CTNNBL1: variants seen among roughly 807,000 people sequenced by gnomAD.
CTNNBL1 encodes beta-catenin-like protein 1.
A neutral mutation model predicts 72.7 loss-of-function variants in CTNNBL1; 31 were observed. The ratio of observed to expected loss-of-function variants is 0.43; its 90% CI spans 0.32 to 0.58. The LOEUF (loss-of-function observed/expected upper bound fraction) is 0.58. CTNNBL1 is among the 20% of genes least tolerant of loss of function. The pLI is 0.08. For missense variants in CTNNBL1, 534 were observed against 725.1 expected (o/e 0.74, Z 3.03); for synonymous variants, 240 against 267.3 (o/e 0.90, Z 1.00).
At chr20:37,715,084 T>C (rs917343511) in intron 1 of CTNNBL1, among the ~76,000 whole-genome samples, 2 of 152,210 alleles carry the variant, frequency 1.3e-5, no homozygotes, top group Non-Finnish European at 2.9e-5. Flanking sequence ...AAACAGAAAG[T>C]ACTAGAGCCG....
chr20:37,773,135 G>T (rs1346387090), intron 7 of CTNNBL1, among the ~76,000 whole-genome samples: 2 of 152,236 alleles, frequency 1.3e-5, no homozygotes, highest in African/African-American at 4.8e-5. Flanking sequence ...TTCAGAAACA[G>T]TTGCAGCGTT....
chr20:37,851,578 G>C (rs778963852), intron 13 of CTNNBL1, among the ~76,000 whole-genome samples: 12 of 152,144 alleles, frequency 7.9e-5, no homozygotes, highest in Non-Finnish European at 1.6e-4. Flanking sequence ...AACTATGAAA[G>C]TGAACACAGC....
At chr20:37,721,205 T>C (rs1386466650) in intron 1 of CTNNBL1, among the ~76,000 whole-genome samples, 2 of 152,236 alleles carry the variant, frequency 1.3e-5, no homozygotes, top group African/African-American at 4.8e-5. Flanking sequence ...GACCCTCTGC[T>C]ATCCCGCTCA....
At chr20:37,812,005 C>T (rs974946013) in intron 11 of CTNNBL1, among the ~76,000 whole-genome samples, 4 of 152,192 alleles carry the variant, frequency 2.6e-5, no homozygotes, top group Non-Finnish European at 4.4e-5. Flanking sequence ...CTCCAGTGGT[C>T]TTCTGGTTGG....
intron 10 of CTNNBL1, among the ~76,000 whole-genome samples, chr20:37,800,874 T>G (rs919299996): frequency 6.6e-6 from 1 of 152,230 alleles, no homozygotes; most frequent in Non-Finnish European, 1.5e-5. Flanking sequence ...TTTCAGGACC[T>G]CTGTGCTTGC....
At chr20:37,773,059 G>A (rs1051998082) in intron 7 of CTNNBL1, among the ~76,000 whole-genome samples, 8 of 152,106 alleles carry the variant, frequency 5.3e-5, no homozygotes, top group Non-Finnish European at 1.0e-4. Flanking sequence ...AAGATATTAC[G>A]TACTATTGAA....
chr20:37,746,640 C>T (rs765770248), intron 4 of CTNNBL1, 33 bp downstream of exon 4: 1 of 1,613,616 alleles, frequency 6.2e-7, no homozygotes, highest in South Asian at 1.1e-5. Context: ...AGTAGGAGAG[C>T]TGACATGGTG....
intron 11 of CTNNBL1, among the ~76,000 whole-genome samples, chr20:37,831,323 G>T (rs1180102914): frequency 6.6e-6 from 1 of 151,356 alleles, no homozygotes; most frequent in Non-Finnish European, 1.5e-5. Flanking sequence ...CCAGTTAATT[G>T]TGTACTCTAT....
At chr20:37,708,114 T>C (rs545694716) in intron 1 of CTNNBL1, among the ~76,000 whole-genome samples, 1 of 152,268 alleles carries the variant, frequency 6.6e-6, no homozygotes, top group African/African-American at 2.4e-5. Flanking sequence ...GTTTGAAACA[T>C]TGCAGTAATT....
chr20:37,871,862 C>T (rs566010627), intron 15 of CTNNBL1, 63 bp from the exon 16 acceptor site: 146 of 1,423,068 alleles, frequency 1.0e-4, no homozygotes, highest in Middle Eastern at 1.8e-4. Flanking sequence ...AGGTATGAAG[C>T]GACGCAGCCA....
chr20:37,694,274 C>G, intron 1 of CTNNBL1, 122 bp downstream of exon 1: 2 of 832,618 alleles, frequency 2.4e-6, no homozygotes, highest in Non-Finnish European at 3.6e-6. Flanking sequence ...TCTCATGCCA[C>G]CCGGGGTCTC....
At chr20:37,810,915 G>A (rs1412451666) in intron 11 of CTNNBL1, among the ~76,000 whole-genome samples, 1 of 152,146 alleles carries the variant, frequency 6.6e-6, no homozygotes, top group Non-Finnish European at 1.5e-5. Context: ...TTCTTCTGTT[G>A]TAAAATTGAG....
At chr20:37,728,278 T>G (rs188386718) in intron 1 of CTNNBL1, among the ~76,000 whole-genome samples, 83 of 152,334 alleles carry the variant, frequency 5.4e-4, no homozygotes, top group African/African-American at 1.7e-3. Flanking sequence ...AATGAATAAT[T>G]TTTTAATATA....
intron 10 of CTNNBL1, among the ~76,000 whole-genome samples, chr20:37,791,161 A>C (rs2073721973): frequency 6.6e-6 from 1 of 152,204 alleles, no homozygotes; most frequent in African/African-American, 2.4e-5. Flanking sequence ...CACTTGTTGA[A>C]GGATATTTGG....
chr20:37,697,893 A>G (rs192319629), intron 1 of CTNNBL1, among the ~76,000 whole-genome samples: 1 of 152,340 alleles, frequency 6.6e-6, no homozygotes, highest in Admixed American at 6.5e-5. Context: ...AAGGATTCCA[A>G]TCTAGGTAGC....
intron 1 of CTNNBL1, among the ~76,000 whole-genome samples, chr20:37,695,666 G>A (rs1056597832): frequency 2.6e-5 from 4 of 152,164 alleles, no homozygotes; most frequent in African/African-American, 7.2e-5. Context: ...TAGGTTGCTG[G>A]CAGTCTCTGT....
intron 4 of CTNNBL1, among the ~76,000 whole-genome samples, chr20:37,754,735 T>C (rs192920468): frequency 6.6e-6 from 1 of 152,306 alleles, no homozygotes; most frequent in East Asian, 1.9e-4. Context: ...ATATGAAGTA[T>C]AGTTGGCAAT....
intron 3 of CTNNBL1, among the ~76,000 whole-genome samples, chr20:37,741,389 C>T (rs1167759457): frequency 1.3e-5 from 2 of 152,106 alleles, no homozygotes; most frequent in Non-Finnish European, 2.9e-5. Flanking sequence ...TATGTGCCAG[C>T]TATTATTAGG....
At chr20:37,841,285 G>T (rs1255733633) in intron 12 of CTNNBL1, among the ~76,000 whole-genome samples, 1 of 152,166 alleles carries the variant, frequency 6.6e-6, no homozygotes, top group Non-Finnish European at 1.5e-5. Flanking sequence ...TGATGAAGAG[G>T]TCATCAGGTT....
Sources: gnomAD v4.1 joint callset for allele counts (sites outside exome capture counted in the v4.1 genomes callset) on GRCh38, gnomAD v4.1.1 for gene constraint, MANE v1.5 for transcripts, NCBI Gene and HGNC (gene_info 2026-07-23, HGNC 2026-07-21) for gene names.